The following MIPOL1 variants were observed in gnomAD, a reference collection of about 807,000 sequenced individuals.
MIPOL1 encodes the protein mirror-image polydactyly gene 1 protein.
MIPOL1 carries 57 observed loss-of-function variants against 60.9 expected under a neutral mutation model. The observed-to-expected ratio is 0.94, with a 90% CI of 0.76 to 1.17. MIPOL1 has a LOEUF of 1.17. MIPOL1 is among the 50% of genes most tolerant of loss of function. The pLI is 0.00. For synonymous variants in MIPOL1, 179 were observed against 168.8 expected (o/e 1.06, Z -0.47); for missense variants, 551 against 511.6 (o/e 1.08, Z -0.74).
chr14:37,287,617 T>C (rs1294325380), intron 7 of MIPOL1, among the ~76,000 whole-genome samples: 4 of 152,162 alleles, frequency 2.6e-5, no homozygotes, highest in Non-Finnish European at 5.9e-5. Context: ...TAACTTGAAT[T>C]TAAGAGTAAT....
intron 9 of MIPOL1, among the ~76,000 whole-genome samples, chr14:37,320,364 A>T (rs978458429): frequency 6.6e-6 from 1 of 151,952 alleles, no homozygotes; most frequent in African/African-American, 2.4e-5. Flanking sequence ...GTCATATTTC[A>T]TTGTTGATTT....
intron 9 of MIPOL1, among the ~76,000 whole-genome samples, chr14:37,356,447 T>C (rs2091836090): frequency 6.6e-6 from 1 of 152,174 alleles, no homozygotes; most frequent in Non-Finnish European, 1.5e-5. Flanking sequence ...AGTTCGAGCT[T>C]CCAGGCTGCT....
intron 1 of MIPOL1, among the ~76,000 whole-genome samples, chr14:37,215,943 C>G (rs1459878797): frequency 6.6e-6 from 1 of 151,782 alleles, no homozygotes; most frequent in Non-Finnish European, 1.5e-5. Flanking sequence ...TGGCAGGCAC[C>G]TGCAACCCCA....
intron 9 of MIPOL1, among the ~76,000 whole-genome samples, chr14:37,348,393 C>A (rs2091096535): frequency 6.6e-6 from 1 of 151,924 alleles, no homozygotes; most frequent in Non-Finnish European, 1.5e-5. Flanking sequence ...ATGTGATGAT[C>A]AATTAGGACT....
At chr14:37,471,384 T>C (rs1181067541) in intron 11 of MIPOL1, among the ~76,000 whole-genome samples, 2 of 152,270 alleles carry the variant, frequency 1.3e-5, no homozygotes, top group East Asian at 3.9e-4. Context: ...TCCTGGACTT[T>C]GTTATATTTC....
At chr14:37,221,287 C>T in intron 1 of MIPOL1, among the ~76,000 whole-genome samples, 1 of 152,172 alleles carries the variant, frequency 6.6e-6, no homozygotes, top group South Asian at 2.1e-4. Context: ...CTTGTCATCT[C>T]ATGGCAACAG....
At chr14:37,225,379 C>G (rs1969532969) in intron 1 of MIPOL1, among the ~76,000 whole-genome samples, 1 of 152,218 alleles carries the variant, frequency 6.6e-6, no homozygotes, top group African/African-American at 2.4e-5. Context: ...GCCTGGACAT[C>G]CAGGCATTTC....
At chr14:37,283,337 G>T (rs1027516032) in intron 6 of MIPOL1, among the ~76,000 whole-genome samples, 2 of 152,074 alleles carry the variant, frequency 1.3e-5, no homozygotes, top group Non-Finnish European at 2.9e-5. Context: ...AAAGTGCTAG[G>T]ATTACAGGTG....
intron 11 of MIPOL1, chr14:37,423,561 G>A (rs2093912199): frequency 6.6e-6 from 1 of 151,706 alleles, no homozygotes; most frequent in Non-Finnish European, 1.5e-5. Context: ...ATTTTGTATT[G>A]GGTTATGTGT....
At chr14:37,529,394 A>G (rs1039239547) in intron 12 of MIPOL1, among the ~76,000 whole-genome samples, 1 of 152,200 alleles carries the variant, frequency 6.6e-6, no homozygotes, top group African/African-American at 2.4e-5. Flanking sequence ...AGAATTTTAT[A>G]CTGCTGGTTT....
rs542793053 is a variant in MIPOL1 at position 37,500,068 on chromosome 14, C to T, written c.1192C>T (p.Arg398Ter). ...TCAACTGCAACAAGCTCTGACAGAG[C>T]GAGCAAATATGGAATTACAACTTCA... ...ATQLQQALTE[R>*]ANMELQLQHA... is the part of the protein sequence containing the mutation. The change falls in exon 12 of 13, where the codon CGA becomes TGA. Residue 398 changes from arginine to a stop codon, truncating the protein, a stop_gained. Coordinates refer to ENST00000684589, the MANE Select transcript of MIPOL1 (RefSeq NM_001388067.1). LOFTEE classifies it high-confidence loss of function. The T allele has an allele frequency of 2.0e-5, 33 of 1,613,738 alleles. No homozygotes were observed. Among genetic ancestry groups the T allele is most frequent in the Non-Finnish European group, 2.5e-5 (29 of 1,179,780 alleles).
At chr14:37,515,434 T>G (rs1641943082) in intron 12 of MIPOL1, among the ~76,000 whole-genome samples, 1 of 152,202 alleles carries the variant, frequency 6.6e-6, no homozygotes, top group African/African-American at 2.4e-5. Context: ...TTTAATTTTT[T>G]TAGTTGCTTT....
chr14:37,240,944 C>T (rs1215832839), intron 1 of MIPOL1, among the ~76,000 whole-genome samples: 1 of 136,400 alleles, frequency 7.3e-6, no homozygotes, highest in Non-Finnish European at 1.6e-5. Context: ...CACACATACA[C>T]ACACACACAC....
intron 9 of MIPOL1, among the ~76,000 whole-genome samples, chr14:37,335,819 A>G (rs2090062782): frequency 6.6e-6 from 1 of 152,084 alleles, no homozygotes; most frequent in South Asian, 2.1e-4. Flanking sequence ...CTTATTTGAT[A>G]TATGATTTAC....
intron 7 of MIPOL1, among the ~76,000 whole-genome samples, chr14:37,295,900 CAG>C (rs2085618911): frequency 1.3e-5 from 2 of 152,042 alleles, no homozygotes; most frequent in South Asian, 4.1e-4. Context: ...ATCAACGAGA[CAG>C]AAAGTTAACA....
At chr14:37,519,819 A>G (rs922041703) in intron 12 of MIPOL1, among the ~76,000 whole-genome samples, 1 of 152,134 alleles carries the variant, frequency 6.6e-6, no homozygotes, top group African/African-American at 2.4e-5. Flanking sequence ...TAGTGATATC[A>G]TAGACTTGAA....
At chr14:37,368,096 A>C (rs954315204) in intron 9 of MIPOL1, among the ~76,000 whole-genome samples, 9 of 152,266 alleles carry the variant, frequency 5.9e-5, no homozygotes, top group African/African-American at 2.2e-4. Flanking sequence ...AATGTAAAAA[A>C]ATCTGCACTG....
chr14:37,510,252 T>G (rs1330209439), intron 12 of MIPOL1, among the ~76,000 whole-genome samples: 2 of 152,040 alleles, frequency 1.3e-5, no homozygotes, highest in East Asian at 1.9e-4. Flanking sequence ...GTTTTGGTTT[T>G]GGGGGTTTTT....
chr14:37,238,943 A>C (rs2153339942), intron 1 of MIPOL1, among the ~76,000 whole-genome samples: 1 of 151,942 alleles, frequency 6.6e-6, no homozygotes, highest in East Asian at 1.9e-4. Context: ...ACAGAATGAG[A>C]CCCAGTCTCA....
Sources: allele counts gnomAD v4.1 joint callset (sites outside exome capture counted in the v4.1 genomes callset), GRCh38; gene constraint gnomAD v4.1.1; transcripts MANE v1.5; gene names NCBI Gene and HGNC (gene_info 2026-07-23, HGNC 2026-07-21).